Variants in C13orf42 observed in about 807,000 individuals in gnomAD.
The protein encoded by C13orf42 is chromosome 13 open reading frame 42, also known as uncharacterized protein C13orf42.
At chr13:51,093,430 T>C (rs557098361) in intron 1 of C13orf42, among the ~76,000 whole-genome samples, 12 of 152,336 alleles carry the variant, frequency 7.9e-5, no homozygotes, top group Admixed American at 4.6e-4. Flanking sequence ...TGAGTGGCTA[T>C]TGAGTACTTG....
chr13:51,147,437 G>A (rs1291684883), intron 1 of C13orf42, among the ~76,000 whole-genome samples: 1 of 152,038 alleles, frequency 6.6e-6, no homozygotes, highest in Non-Finnish European at 1.5e-5. Flanking sequence ...CATTTTAAAC[G>A]CAAGGGGTGA....
chr13:51,085,456 G>A lies in C13orf42; in HGVS notation c.666C>T (p.Asp222=), dbSNP rs140914154. The change falls in exon 3 of 4, where the codon GAC becomes GAT. Residue 222 remains aspartate, a synonymous_variant. Transcript: ENST00000563710. ...GCTCGGTGCTCCTTCGAAACTGGCC[G>A]TCTACAGTATGCACAGTGTGGGCAG... ...DIAAHTVHTV[D]GQFRRSTEHR... 1.9e-4 allele frequency: 76 copies of A among 398,586 alleles called. No individual in the cohort carries two copies. The highest frequency in any genetic ancestry group is 1.3e-3 in the African/African-American group (62 of 48,736). The allele number at this position is 398,586 out of a possible 1,614,324, so 24.7% of individuals were successfully genotyped here.
chr13:51,111,688 T>C (rs140961678), upstream of C13orf42, among the ~76,000 whole-genome samples: 1 of 152,190 alleles, frequency 6.6e-6, no homozygotes, highest in East Asian at 1.9e-4. Context: ...CGGTTCTGAA[T>C]TCTCTGAATC....
At chr13:51,114,400 C>T (rs1953465361), upstream of C13orf42, among the ~76,000 whole-genome samples, 2 of 152,134 alleles carry the variant, frequency 1.3e-5, no homozygotes, top group Non-Finnish European at 2.9e-5. Flanking sequence ...TCCCTGCACC[C>T]CCACTCTGCC....
At chr13:51,117,436 A>ATT (rs1341273056) in intron 1 of C13orf42, among the ~76,000 whole-genome samples, 3 of 152,238 alleles carry the variant, frequency 2.0e-5, no homozygotes, top group Non-Finnish European at 2.9e-5. Context: ...ATCTTTAATC[A>ATT]TTTTAAAGTG....
intron 1 of C13orf42, among the ~76,000 whole-genome samples, chr13:51,123,494 G>C (rs1016108636): frequency 6.6e-6 from 1 of 152,182 alleles, no homozygotes; most frequent in Non-Finnish European, 1.5e-5. Flanking sequence ...TTTCAAAGCA[G>C]GTGGGGAAAT....
At chr13:51,091,006 C>A (rs1218740514) in intron 1 of C13orf42, among the ~76,000 whole-genome samples, 3 of 152,188 alleles carry the variant, frequency 2.0e-5, no homozygotes, top group South Asian at 2.1e-4. Context: ...TCAAACATGT[C>A]GCCTATTTCC....
intron 1 of C13orf42, among the ~76,000 whole-genome samples, chr13:51,106,723 G>A (rs889264819): frequency 1.3e-5 from 2 of 152,176 alleles, no homozygotes; most frequent in African/African-American, 4.8e-5. Context: ...AACACCCAAG[G>A]TGCCCAGAGC....
intron 1 of C13orf42, among the ~76,000 whole-genome samples, chr13:51,164,852 C>A (rs4245354): frequency 1.3e-5 from 2 of 152,014 alleles, no homozygotes; most frequent in Non-Finnish European, 2.9e-5. Flanking sequence ...GGACTGAGAT[C>A]AGGAAAGATG....
At chr13:51,116,728 A>G (rs1421904109) in intron 1 of C13orf42, among the ~76,000 whole-genome samples, 1 of 152,244 alleles carries the variant, frequency 6.6e-6, no homozygotes, top group Non-Finnish European at 1.5e-5. Context: ...CCTGGCTTAA[A>G]ATAATGATCA....
In C13orf42 at chr13:51,110,860, G is replaced by A. The variant is rs1422899486; in HGVS notation, c.350C>T (p.Thr117Ile). 2 of 398,566 alleles carry A rather than the reference G, an allele frequency of 5.0e-6. No homozygotes were observed. The highest frequency in any genetic ancestry group is 4.1e-5 in the African/African-American group (2 of 48,630). The allele number at this position is 398,566 out of a possible 1,614,324, so 24.7% of individuals were successfully genotyped here. The change falls in exon 1 of 4, where the codon ACC (threonine) becomes ATC (isoleucine). Residue 117 changes from threonine (T) to isoleucine (I), a missense_variant. Coordinates refer to ENST00000563710, the MANE Select transcript of C13orf42 (RefSeq NM_001351589.3). The stretch of plus-strand genomic sequence containing the variant: ...CCCTCCCTTGGAGGATTTGGAGGAG[G>A]TTGAGGAAATCCCCTGGGTGCGGTG... ...KPHRTQGISSTSSKSSKGGKK... is the reference protein window; with the variant it reads ...KPHRTQGISSISSKSSKGGKK...
In C13orf42 at chr13:51,094,263, T is replaced by C. The variant is rs1953210168; in HGVS notation, c.415-6188A>G. On this transcript the variant is annotated intron_variant, in intron 1 of 3. Transcript: ENST00000563710. ...TGGCATTTAGACAGCACAATATACA[T>C]GTTACGGATTTTATTGCTACAGGGT... Among the ~76,000 whole-genome samples the C allele has an allele frequency of 3.3e-5, 5 of 152,218 alleles. No individual in the cohort carries two copies. The South Asian group carries it at 1.0e-3, about 32-fold the overall frequency.
At chr13:51,135,738 T>G (rs1043958218) in intron 1 of C13orf42, among the ~76,000 whole-genome samples, 14 of 151,940 alleles carry the variant, frequency 9.2e-5, no homozygotes, top group Non-Finnish European at 1.6e-4. Flanking sequence ...CCTAGATTCC[T>G]CCCCCACCCT....
intron 1 of C13orf42, among the ~76,000 whole-genome samples, chr13:51,093,097 G>C (rs1953198013): frequency 1.3e-5 from 2 of 152,002 alleles, no homozygotes; most frequent in Non-Finnish European, 2.9e-5. Context: ...TATTTTTCTT[G>C]ACTGACTCAA....
chr13:51,144,557 A>G (rs929862021), intron 1 of C13orf42, among the ~76,000 whole-genome samples: 5 of 121,824 alleles, frequency 4.1e-5, no homozygotes, highest in Non-Finnish European at 9.2e-5. Flanking sequence ...TATTTTACCA[A>G]GGCTTTGACT....
chr13:51,141,095 G>GGTGTGTGTGTGTGTGTGTGTGT (rs3043870), intron 1 of C13orf42, among the ~76,000 whole-genome samples: 72 of 128,536 alleles, frequency 5.6e-4, no homozygotes, highest in Middle Eastern at 4.0e-3. Context: ...ATCGAAGGGA[G>GGTGTGTGTGTGTGTGTGTGTGT]GTGTGTGTGT....
In C13orf42 at chr13:51,121,195, G is replaced by A. The variant is rs192840755; in HGVS notation, n.137-7973C>T. 6.6e-5 allele frequency among the ~76,000 whole-genome samples: 10 copies of A among 152,250 alleles called. No homozygotes were observed. In the East Asian group the frequency reaches 1.5e-3, roughly 24 times the overall value. The stretch of plus-strand genomic sequence containing the variant: ...GCGCAGCTGTCCTGAGGAACACTGC[G>A]AAGGATTCACCAAGCAGATCAGAGC... On this transcript the variant is annotated intron_variant and non_coding_transcript_variant, in intron 1 of 4. Coordinates refer to the C13orf42 transcript ENST00000433280.
At chr13:51,100,956 A>C (rs140730119) in intron 1 of C13orf42, among the ~76,000 whole-genome samples, 198 of 152,318 alleles carry the variant, frequency 1.3e-3, no homozygotes, top group African/African-American at 4.0e-3. Flanking sequence ...ATGAGATGGA[A>C]AAGAACTCAC....
intron 1 of C13orf42, among the ~76,000 whole-genome samples, chr13:51,134,534 C>G (rs967384630): frequency 6.6e-6 from 1 of 152,180 alleles, no homozygotes; most frequent in Non-Finnish European, 1.5e-5. Flanking sequence ...CAAGAATGAA[C>G]ATATACTCAT....
Sources: gnomAD v4.1 joint callset for allele counts (sites outside exome capture counted in the v4.1 genomes callset) on GRCh38, gnomAD v4.1.1 for gene constraint, MANE v1.5 for transcripts, NCBI Gene and HGNC (gene_info 2026-07-23, HGNC 2026-07-21) for gene names.